MTR: variants seen among roughly 807,000 people sequenced by gnomAD.
The protein encoded by MTR is 5-methyltetrahydrofolate-homocysteine methyltransferase, also known as methionine synthase.
MTR carries 84 observed loss-of-function variants against 154.8 expected under a neutral mutation model. The ratio of observed to expected loss-of-function variants is 0.54; its 90% CI spans 0.45 to 0.65. The LOEUF (loss-of-function observed/expected upper bound fraction) is 0.65. Ranked by LOEUF, MTR falls within the 30% of genes least tolerant of loss-of-function variation. The pLI, the probability that MTR is intolerant of heterozygous loss-of-function variation, is 0.00. For synonymous variants in MTR, 554 were observed against 553.9 expected, an observed-to-expected ratio of 1.00 and a Z score of 0.00; for missense variants, 1,275 against 1,570.2, an observed-to-expected ratio of 0.81 and a Z score of 3.18.
Position 236,816,441 on chromosome 1 carries a change from C to T in MTR, c.670-8C>T, listed in dbSNP as rs1402361799. ...GTATTGTTGACTTTGTTTACTTTGT[C>T]AATTCAGATTTCAGGGACGATCGTT... On this transcript the variant is annotated splice_polypyrimidine_tract_variant and splice_region_variant and intron_variant, in intron 7 of 32. Coordinates refer to ENST00000366577, the MANE Select transcript of MTR (RefSeq NM_000254.3). The T allele has an allele frequency of 1.2e-6, 2 of 1,612,764 alleles. No individual in the cohort carries two copies. Among genetic ancestry groups the T allele is most frequent in the South Asian group, 2.2e-5 (2 of 91,058 alleles).
intron 24 of MTR, among the ~76,000 whole-genome samples, chr1:236,878,242 A>C (rs146889937): frequency 6.6e-6 from 1 of 152,286 alleles, no homozygotes; most frequent in East Asian, 1.9e-4. Context: ...CAAATAAGTA[A>C]GTCATCTCCT....
At chr1:236,868,355 ATAGAG>A (rs1178292410) in intron 22 of MTR, among the ~76,000 whole-genome samples, 6 of 152,154 alleles carry the variant, frequency 3.9e-5, no homozygotes, top group African/African-American at 1.4e-4. Flanking sequence ...TGCACACATA[ATAGAG>A]TACAGTATAG....
At chr1:236,825,690 A>C (rs1458232499) in intron 10 of MTR, among the ~76,000 whole-genome samples, 1 of 152,016 alleles carries the variant, frequency 6.6e-6, no homozygotes, top group Non-Finnish European at 1.5e-5. Flanking sequence ...GCCTTCCCAA[A>C]TTGTAGCTTT....
chr1:236,826,884 C>T lies in MTR; in HGVS notation c.983C>T (p.Pro328Leu). The T allele has an allele frequency of 1.2e-6, 2 of 1,613,714 alleles. No homozygotes were observed. Among genetic ancestry groups the T allele is most frequent in the Non-Finnish European group, 1.7e-6 (2 of 1,179,686 alleles). Residue 328 changes from proline to leucine, a missense_variant, in exon 11 of 33, where the codon CCA (proline) becomes CTA (leucine). By Grantham distance (98) the Pro-to-Leu change is moderately conservative. Transcript: ENST00000366577. ...NIVGGCCGST[P>L]DHIREIAEAV... ...GTTGGAGGATGCTGTGGGTCAACAC[C>T]AGATCATATCAGGTAATAATCACCT...
chr1:236,836,231 T>G (rs775278966), intron 14 of MTR, among the ~76,000 whole-genome samples: 1 of 152,190 alleles, frequency 6.6e-6, no homozygotes, highest in Non-Finnish European at 1.5e-5. Flanking sequence ...TACCTTGTTT[T>G]TCTGCCGTTA....
intron 28 of MTR, among the ~76,000 whole-genome samples, chr1:236,890,581 A>C (rs1258980185): frequency 6.6e-6 from 1 of 152,190 alleles, no homozygotes; most frequent in Non-Finnish European, 1.5e-5. Flanking sequence ...ACCGAGTCTG[A>C]GTGCATAGGG....
intron 32 of MTR, 26 bp downstream of exon 32, chr1:236,897,144 G>A (rs1485255953): frequency 3.3e-6 from 5 of 1,501,114 alleles, no homozygotes; most frequent in Non-Finnish European, 4.6e-6. Flanking sequence ...CATTATATGT[G>A]GCTTGCCTAG....
At position 236,824,237 on chromosome 1, in the gene MTR, G is replaced by T. The variant is rs750357418; in HGVS notation, c.865+18G>T. 20 of 1,559,500 alleles carry T rather than the reference G, an allele frequency of 1.3e-5. No individual in the cohort carries two copies. The South Asian group carries it at 1.8e-4, about 14-fold the overall frequency. On this transcript the variant is annotated intron_variant, in intron 9 of 32. Transcript: ENST00000366577. ...CAATGCAGGTGTGTGTTTCAAGGGG[G>T]TCACACATGGGGAGATAAAAATAAC...
chr1:236,886,317 A>C lies in MTR; in HGVS notation c.2801A>C (p.Gln934Pro), dbSNP rs898188536. 1 of 1,614,086 alleles carries C rather than the reference A, an allele frequency of 6.2e-7. No individual in the cohort carries two copies. The highest frequency in any genetic ancestry group is 1.3e-5 in the African/African-American group (1 of 74,932). The change falls in exon 27 of 33, where the codon CAA becomes CCA. Residue 934 changes from glutamine to proline, a missense_variant. Coordinates refer to ENST00000366577, the MANE Select transcript of MTR (RefSeq NM_000254.3). ...GAGAGGAGATACTTACCCTTAAGTC[A>C]AGCCAGAAAAAGTGGTTTCCAAATG... The part of the protein sequence containing the change: ...LKERRYLPLS[Q>P]ARKSGFQMDW...
chr1:236,866,586 T>G lies in MTR; in HGVS notation c.2405+3032T>G, dbSNP rs533230825. Among the ~76,000 whole-genome samples the G allele has an allele frequency of 1.3e-4, 20 of 152,322 alleles. No homozygotes were observed. The South Asian group carries it at 4.1e-3, about 32-fold the overall frequency. On this transcript the variant is annotated intron_variant, in intron 22 of 32. Transcript: ENST00000366577. ...GTCAAAAGTTAGACATGATTAAGTT[T>G]AGTGAGGAAGGCATGTCAAAAACTG...
chr1:236,853,844 T>A (rs1664053308), intron 18 of MTR, among the ~76,000 whole-genome samples: 1 of 152,196 alleles, frequency 6.6e-6, no homozygotes, highest in Non-Finnish European at 1.5e-5. Flanking sequence ...AACACCAGCT[T>A]GTTTCTCATT....
rs200479834 is a variant in MTR at position 236,850,370 on chromosome 1, A to T, written c.1542A>T (p.Arg514Ser). 4.2e-5 allele frequency: 67 copies of T among 1,613,464 alleles called. No homozygotes were observed. The East Asian group carries it at 1.1e-3, about 27-fold the overall frequency. Residue 514 changes from arginine (R) to serine (S), a missense_variant, in exon 16 of 33, where the codon AGA (arginine) becomes AGT (serine). Physicochemically the swap from Arg to Ser is moderately radical, Grantham distance 110 (BLOSUM62 -1). Transcript: ENST00000366577. Reference protein sequence around the residue: ...GQATETDTKIRVCTRAYHLLV... With the variant: ...GQATETDTKISVCTRAYHLLV... ...CAACAGAAACAGACACAAAAATCAG[A>T]GTGTGCACCCGGGCCTACCATCTGC...
chr1:236,873,838 C>CA lies in MTR; in HGVS notation c.2472dup (p.Asp825ArgfsTer15). 1.2e-6 allele frequency: 2 copies of CA among 1,613,740 alleles called. No homozygotes were observed. The highest frequency in any genetic ancestry group is 8.5e-7 in the Non-Finnish European group (1 of 1,179,658). ...CTGAAAGCTGCTCTTGACCACAAAG[C>CA]AGGTACTGTGCAACTATACTTTGGG... On this transcript the variant is annotated frameshift_variant and splice_region_variant, in exon 23 of 33. Transcript: ENST00000366577. LOFTEE classifies it high-confidence loss of function.
intron 25 of MTR, among the ~76,000 whole-genome samples, chr1:236,883,072 C>G (rs73131105): frequency 3.4e-4 from 51 of 152,228 alleles, no homozygotes; most frequent in African/African-American, 1.2e-3. Context: ...AGATTTAGAC[C>G]CTTGCTTTCT....
At chr1:236,813,917 C>G (rs926215300) in intron 6 of MTR, among the ~76,000 whole-genome samples, 7 of 151,794 alleles carry the variant, frequency 4.6e-5, no homozygotes, top group African/African-American at 1.7e-4. Context: ...TTTACAGATT[C>G]TATTTTTTTG....
chr1:236,809,758 C>T (rs1441986751), intron 4 of MTR, among the ~76,000 whole-genome samples: 1 of 152,056 alleles, frequency 6.6e-6, no homozygotes, highest in African/African-American at 2.4e-5. Context: ...AAAGCATAGC[C>T]CAGGTTATTG....
In MTR at chr1:236,835,702, A is replaced by G. The variant is rs752303010; in HGVS notation, c.1329+15A>G. On this transcript the variant is annotated intron_variant, in intron 14 of 32. Coordinates refer to ENST00000366577, the MANE Select transcript of MTR (RefSeq NM_000254.3). Reference sequence around the variant, plus strand: ...ACATCGCAAAGGTTATACAAAGTTTATGTTTATCAGGGGGATTTACTTGTC... The same window carrying G: ...ACATCGCAAAGGTTATACAAAGTTTGTGTTTATCAGGGGGATTTACTTGTC... The G allele has an allele frequency of 4.3e-6, 7 of 1,613,196 alleles. No individual in the cohort carries two copies. Among genetic ancestry groups the G allele is most frequent in the East Asian group, 2.2e-5 (1 of 44,868 alleles).
At chr1:236,807,539 C>G (rs1488147463) in intron 3 of MTR, among the ~76,000 whole-genome samples, 1 of 152,164 alleles carries the variant, frequency 6.6e-6, no homozygotes, top group African/African-American at 2.4e-5. Context: ...ATCCTCACCA[C>G]CATTTATTTT....
chr1:236,874,664 T>A, intron 23 of MTR, 62 bp from the exon 24 acceptor site: 1 of 1,392,000 alleles, frequency 7.2e-7, no homozygotes, highest in African/African-American at 1.5e-5. Context: ...ATCCTTTTCC[T>A]TTTTCTTTCA....
Sources: gnomAD v4.1 joint callset for allele counts (sites outside exome capture counted in the v4.1 genomes callset) on GRCh38, gnomAD v4.1.1 for gene constraint, MANE v1.5 for transcripts, NCBI Gene and HGNC (gene_info 2026-07-23, HGNC 2026-07-21) for gene names.